Variants in SEPTIN10 observed in about 807,000 individuals in gnomAD.
SEPTIN10 encodes septin-10.
SEPTIN10 carries 66 observed loss-of-function variants against 54.8 expected under a neutral mutation model. The observed-to-expected ratio is 1.21, with a 90% CI of 0.99 to 1.48. SEPTIN10 has a LOEUF of 1.48. SEPTIN10 is among the 40% of genes most tolerant of loss of function. The pLI is 0.00. For missense variants in SEPTIN10, 620 were observed against 545.6 expected (o/e 1.14, Z -1.36); for synonymous variants, 161 against 181.0 (o/e 0.89, Z 0.89).
chr2:109,613,652 G>C, intron 1 of SEPTIN10, 146 bp downstream of exon 1: 1 of 522,158 alleles, frequency 1.9e-6, no homozygotes, highest in East Asian at 4.5e-5. Context: ...GGCCGCCGCG[G>C]AAGCCGGGGA....
At chr2:109,544,725 T>C in intron 10 of SEPTIN10, 9 of 842,868 alleles carry the variant, frequency 1.1e-5, no homozygotes, top group Non-Finnish European at 1.3e-5. Flanking sequence ...AATAAATTTA[T>C]AGTTTATCTT....
intron 9 of SEPTIN10, among the ~76,000 whole-genome samples, chr2:109,552,061 G>A (rs1250048827): frequency 6.6e-6 from 1 of 152,250 alleles, no homozygotes; most frequent in Non-Finnish European, 1.5e-5. Context: ...TGTCAGATCA[G>A]TGGTGGCATT....
chr2:109,579,947 C>A (rs141301681), intron 4 of SEPTIN10, among the ~76,000 whole-genome samples: 1 of 151,314 alleles, frequency 6.6e-6, no homozygotes, highest in South Asian at 2.1e-4. Flanking sequence ...ATGGTGAAAC[C>A]CTGTCTCTAC....
intron 1 of SEPTIN10, among the ~76,000 whole-genome samples, chr2:109,599,072 T>C (rs1276393499): frequency 6.6e-6 from 1 of 152,050 alleles, no homozygotes; most frequent in African/African-American, 2.4e-5. Context: ...TGATCTAAAA[T>C]TTTCTTAAAA....
chr2:109,593,645 T>C (rs1694619245), intron 1 of SEPTIN10, among the ~76,000 whole-genome samples: 1 of 152,068 alleles, frequency 6.6e-6, no homozygotes, highest in Non-Finnish European at 1.5e-5. Context: ...ACCTCGTGAT[T>C]GGCCTGCCTC....
Position 109,613,878 on chromosome 2 carries a change from G to T in SEPTIN10, c.-51C>A, listed in dbSNP as rs1170322935. 7.3e-6 allele frequency: 9 copies of T among 1,230,148 alleles called. No homozygotes were observed. The highest frequency in any genetic ancestry group is 9.1e-6 in the Non-Finnish European group (9 of 987,358). The allele number at this position is 1,230,148 out of a possible 1,614,324, so 76.2% of individuals were successfully genotyped here. A position where few individuals can be genotyped will look rare whatever the true frequency, so the allele number is the denominator to read the frequency against. ...CGGCTGTATCAGCCCGGCCCCGAGCGGCTGGTCCCGGCGACGGCGGCGGGA... is the reference window on the plus strand; with the variant it reads ...CGGCTGTATCAGCCCGGCCCCGAGCTGCTGGTCCCGGCGACGGCGGCGGGA... On this transcript the variant is annotated 5_prime_UTR_variant, in exon 1 of 11. Coordinates refer to ENST00000397712, the MANE Select transcript of SEPTIN10 (RefSeq NM_144710.5).
intron 8 of SEPTIN10, among the ~76,000 whole-genome samples, chr2:109,559,362 G>A (rs1685098068): frequency 6.6e-6 from 1 of 152,138 alleles, no homozygotes. Flanking sequence ...ACTCTCTTAG[G>A]AAGACAATAG....
rs1035167045 is a variant in SEPTIN10, at chr2:109,553,183, G to A, written c.1065C>T (p.Phe355=). The stretch of plus-strand genomic sequence containing the variant: ...CTTCCTTCCTCTGACGTTCACCATG[G>A]AACTCATGTCTTTTGGCTTCATAGG... The part of the protein sequence containing the change: ...QETYEAKRHE[F]HGERQRKEEE... Residue 355 remains phenylalanine (F), a synonymous_variant, in exon 9 of 11, where the codon TTC becomes TTT. Transcript: ENST00000397712. The A allele has an allele frequency of 8.1e-6, 13 of 1,613,858 alleles. No homozygotes were observed. The African/African-American group carries it at 1.5e-4, about 18-fold the overall frequency.
chr2:109,557,132 G>T (rs925836635), intron 8 of SEPTIN10, among the ~76,000 whole-genome samples: 3 of 151,766 alleles, frequency 2.0e-5, no homozygotes, highest in African/African-American at 7.3e-5. Context: ...TAACAAACCA[G>T]CACGTTGTGC....
intron 9 of SEPTIN10, chr2:109,552,422 G>A (rs906776929): frequency 6.6e-6 from 1 of 152,176 alleles, no homozygotes; most frequent in African/African-American, 2.4e-5. Context: ...ATAGCTCATG[G>A]TTAAGATACT....
intron 10 of SEPTIN10, chr2:109,544,809 T>C (rs1013702760): frequency 3.3e-5 from 25 of 751,090 alleles, no homozygotes; most frequent in Non-Finnish European, 4.1e-5. Flanking sequence ...ATGCCTACTA[T>C]GTACCAGACA....
At chr2:109,558,466 G>T (rs981311481) in intron 8 of SEPTIN10, among the ~76,000 whole-genome samples, 1 of 152,222 alleles carries the variant, frequency 6.6e-6, no homozygotes, top group African/African-American at 2.4e-5. Context: ...GTGATTAACT[G>T]TGGGAAAGAG....
intron 10 of SEPTIN10, 86 bp from the exon 11 acceptor site, chr2:109,544,410 G>A: frequency 6.7e-7 from 1 of 1,482,462 alleles, no homozygotes; most frequent in Non-Finnish European, 8.9e-7. Flanking sequence ...TATATTATAG[G>A]ATATCTGGCC....
At chr2:109,608,488 C>T (rs915476836) in intron 1 of SEPTIN10, among the ~76,000 whole-genome samples, 1 of 152,162 alleles carries the variant, frequency 6.6e-6, no homozygotes, top group African/African-American at 2.4e-5. Context: ...CACATTTCTA[C>T]CTTATCTTTG....
At chr2:109,580,529 T>C (rs1048947139) in intron 4 of SEPTIN10, among the ~76,000 whole-genome samples, 3 of 152,082 alleles carry the variant, frequency 2.0e-5, no homozygotes, top group South Asian at 2.1e-4. Context: ...AGCTTTCTCT[T>C]TGGGATTAGG....
At chr2:109,545,698 GGTAGGTCAGCAGCCATTAGCT>G in intron 10 of SEPTIN10, 1 of 1,459,962 alleles carries the variant, frequency 6.8e-7, no homozygotes, top group South Asian at 1.5e-5. Flanking sequence ...AATAACTCAT[GGTAGGTCAGCAGCCATTAGCT>G]GTGTACTAGG....
chr2:109,582,314 T>C (rs1691386759), intron 4 of SEPTIN10, among the ~76,000 whole-genome samples: 1 of 152,072 alleles, frequency 6.6e-6, no homozygotes. Flanking sequence ...CTCAACGCTA[T>C]TGCTGTTTTT....
At chr2:109,568,024 T>A (rs759620396) in intron 5 of SEPTIN10, 48 bp from the exon 6 acceptor site, 4 of 1,364,476 alleles carry the variant, frequency 2.9e-6, no homozygotes, top group Admixed American at 2.3e-5. Flanking sequence ...TTTTTTTTTT[T>A]AATCCTGCAG....
chr2:109,575,338 G>T (rs942705953), intron 4 of SEPTIN10, among the ~76,000 whole-genome samples: 6 of 152,190 alleles, frequency 3.9e-5, no homozygotes, highest in African/African-American at 1.4e-4. Context: ...ATGACTCTTT[G>T]CCTCTTAGAT....
Sources: gnomAD v4.1 joint callset for allele counts (sites outside exome capture counted in the v4.1 genomes callset) on GRCh38, gnomAD v4.1.1 for gene constraint, MANE v1.5 for transcripts, NCBI Gene and HGNC (gene_info 2026-07-23, HGNC 2026-07-21) for gene names.